Variants in FAF1 observed in about 807,000 individuals in gnomAD.
FAF1 encodes the protein FAS-associated factor 1.
A neutral mutation model predicts 92.5 loss-of-function variants in FAF1; 25 were observed. That is an observed-to-expected ratio of 0.27 (90% CI 0.20 to 0.38). The LOEUF is 0.38. Ranked by LOEUF, FAF1 falls within the 10% of genes least tolerant of loss-of-function variation. The pLI is 1.00. For missense variants in FAF1, 636 were observed against 793.3 expected (o/e 0.80, Z 2.38); for synonymous variants, 234 against 273.2 (o/e 0.86, Z 1.42).
intron 15 of FAF1, among the ~76,000 whole-genome samples, chr1:50,534,909 A>T (rs140103936): frequency 6.6e-6 from 1 of 152,362 alleles, no homozygotes; most frequent in African/African-American, 2.4e-5. Context: ...AAGCTGAGAA[A>T]TTCAGAATGC....
intron 1 of FAF1, among the ~76,000 whole-genome samples, chr1:50,942,473 G>A (rs1343884476): frequency 1.3e-5 from 2 of 152,154 alleles, no homozygotes; most frequent in East Asian, 1.9e-4. Flanking sequence ...GAAAGGGAGG[G>A]GAAAGGGAAG....
chr1:50,928,344 A>T (rs1645021919), intron 1 of FAF1, among the ~76,000 whole-genome samples: 2 of 152,228 alleles, frequency 1.3e-5, no homozygotes, highest in Non-Finnish European at 1.5e-5. Flanking sequence ...GGAGAAAAGA[A>T]CGTCAAGAAT....
intron 7 of FAF1, among the ~76,000 whole-genome samples, chr1:50,686,129 C>T (rs1656645352): frequency 1.3e-5 from 2 of 152,150 alleles, no homozygotes; most frequent in South Asian, 4.1e-4. Context: ...AATAATAGTA[C>T]CACTGTCTAT....
intron 13 of FAF1, among the ~76,000 whole-genome samples, chr1:50,555,460 G>A (rs1649530263): frequency 6.6e-6 from 1 of 152,016 alleles, no homozygotes; most frequent in Non-Finnish European, 1.5e-5. Context: ...AACATGAACA[G>A]ACATTTTTCA....
intron 1 of FAF1, among the ~76,000 whole-genome samples, chr1:50,956,023 C>T (rs1056914072): frequency 2.6e-5 from 4 of 151,996 alleles, no homozygotes; most frequent in African/African-American, 9.7e-5. Context: ...TAAATAAGTA[C>T]GGTAACAGAT....
intron 7 of FAF1, among the ~76,000 whole-genome samples, chr1:50,657,117 T>C (rs1208601062): frequency 2.7e-5 from 4 of 150,924 alleles, no homozygotes; most frequent in Non-Finnish European, 5.9e-5. Context: ...GAAGCTGAGG[T>C]GGGAGGATTG....
intron 18 of FAF1, among the ~76,000 whole-genome samples, chr1:50,447,704 C>T (rs562273131): frequency 2.6e-5 from 4 of 152,350 alleles, no homozygotes; most frequent in Non-Finnish European, 5.9e-5. Context: ...TCCATCTCAT[C>T]TTACCTCTTA....
intron 1 of FAF1, among the ~76,000 whole-genome samples, chr1:50,888,117 G>T (rs1013768179): frequency 1.3e-5 from 2 of 152,276 alleles, no homozygotes; most frequent in Admixed American, 6.5e-5. Context: ...TGGATTCCTA[G>T]GTGTTTTATT....
At chr1:50,641,885 ATC>A (rs1238969163) in intron 8 of FAF1, among the ~76,000 whole-genome samples, 1 of 152,008 alleles carries the variant, frequency 6.6e-6, no homozygotes, top group Admixed American at 6.6e-5. Flanking sequence ...TTATTACAGA[ATC>A]TCTTTTTTTA....
intron 7 of FAF1, among the ~76,000 whole-genome samples, chr1:50,690,131 G>T (rs1656855860): frequency 6.6e-6 from 1 of 151,590 alleles, no homozygotes; most frequent in African/African-American, 2.4e-5. Context: ...AAGTAGCTGG[G>T]ATTACAGGCA....
At chr1:50,737,341 T>C (rs1294525603) in intron 6 of FAF1, among the ~76,000 whole-genome samples, 1 of 152,188 alleles carries the variant, frequency 6.6e-6, no homozygotes, top group East Asian at 1.9e-4. Context: ...GATAAATCCA[T>C]TTAATCACGC....
intron 1 of FAF1, among the ~76,000 whole-genome samples, chr1:50,900,923 T>C (rs1644791546): frequency 1.3e-5 from 2 of 151,970 alleles, no homozygotes; most frequent in African/African-American, 4.8e-5. Context: ...ACTGTTACAA[T>C]TTAAAGATTT....
At chr1:50,905,970 T>C (rs1644834606) in intron 1 of FAF1, among the ~76,000 whole-genome samples, 1 of 152,244 alleles carries the variant, frequency 6.6e-6, no homozygotes, top group Non-Finnish European at 1.5e-5. Flanking sequence ...AAGTCCTGAA[T>C]GGTATTGCCT....
intron 18 of FAF1, among the ~76,000 whole-genome samples, chr1:50,451,305 T>C (rs939767781): frequency 3.9e-5 from 6 of 152,354 alleles, no homozygotes; most frequent in African/African-American, 1.2e-4. Flanking sequence ...TATTAAATTA[T>C]AATAATGGTA....
intron 1 of FAF1, among the ~76,000 whole-genome samples, chr1:50,890,733 T>C (rs532275502): frequency 2.6e-5 from 4 of 152,248 alleles, no homozygotes; most frequent in Admixed American, 2.0e-4. Flanking sequence ...AGAGATCCCC[T>C]GTTAGTCTGA....
At chr1:50,756,468 C>T (rs1660077901) in intron 4 of FAF1, among the ~76,000 whole-genome samples, 1 of 150,818 alleles carries the variant, frequency 6.6e-6, no homozygotes, top group Admixed American at 6.6e-5. Flanking sequence ...CAGGAGGTTC[C>T]AAACTTTCCT....
intron 4 of FAF1, among the ~76,000 whole-genome samples, chr1:50,745,822 T>A (rs916422425): frequency 1.3e-5 from 2 of 152,148 alleles, no homozygotes; most frequent in African/African-American, 4.8e-5. Context: ...GGGGCATTGC[T>A]ATAAAGACAC....
intron 7 of FAF1, among the ~76,000 whole-genome samples, chr1:50,655,792 C>A (rs1471372909): frequency 6.6e-6 from 1 of 152,148 alleles, no homozygotes; most frequent in Non-Finnish European, 1.5e-5. Flanking sequence ...GACTTCATTT[C>A]TTTTCAGTCA....
At position 50,648,206 on chromosome 1, in the gene FAF1, C is replaced by T. The variant is rs979005231; in HGVS notation, c.744+7236G>A. ...CCCGGAGACAGAGGTTGCAGTGAGC[C>T]GAGATCGTGCCATTGCACTCCAGCC... is the stretch of plus-strand genomic sequence containing the variant. On this transcript the variant is annotated intron_variant, in intron 8 of 18. Transcript: ENST00000396153. Among the ~76,000 whole-genome samples, 9 of 151,978 alleles carry T rather than the reference C, an allele frequency of 5.9e-5. No homozygotes were observed. In the East Asian group the frequency reaches 1.2e-3, roughly 20 times the overall value.
Sources: gnomAD v4.1 joint callset for allele counts (sites outside exome capture counted in the v4.1 genomes callset) on GRCh38, gnomAD v4.1.1 for gene constraint, MANE v1.5 for transcripts, NCBI Gene and HGNC (gene_info 2026-07-23, HGNC 2026-07-21) for gene names.